The following FAM184B variants were observed in gnomAD, a reference collection of about 807,000 sequenced individuals.
FAM184B encodes the protein protein FAM184B.
A neutral mutation model predicts 135.9 loss-of-function variants in FAM184B; 111 were observed. That is an observed-to-expected ratio of 0.82 (90% CI 0.70 to 0.96). The LOEUF is 0.96. Ranked by LOEUF, FAM184B falls within the 40% of genes least tolerant of loss-of-function variation. The pLI is 0.00. For missense variants in FAM184B, 1,375 were observed against 1,323.9 expected (o/e 1.04, Z -0.60); for synonymous variants, 552 against 524.8 (o/e 1.05, Z -0.71).
intron 1 of FAM184B, among the ~76,000 whole-genome samples, chr4:17,741,093 C>T (rs1321167870): frequency 6.6e-6 from 1 of 152,170 alleles, no homozygotes; most frequent in Non-Finnish European, 1.5e-5. Context: ...ACGTGCCAGG[C>T]ACTGTTCTTG....
At chr4:17,748,067 C>T (rs983703807) in intron 1 of FAM184B, among the ~76,000 whole-genome samples, 8 of 144,806 alleles carry the variant, frequency 5.5e-5, no homozygotes, top group Non-Finnish European at 7.5e-5. Context: ...TCGCGCCACT[C>T]CACTCCAGCC....
intron 7 of FAM184B, among the ~76,000 whole-genome samples, chr4:17,678,624 A>G (rs1247722864): frequency 1.3e-5 from 2 of 152,180 alleles, no homozygotes; most frequent in African/African-American, 2.4e-5. Context: ...TGCAAATTCA[A>G]TGCAATTCCC....
intron 17 of FAM184B, chr4:17,633,372 A>G (rs1328445583): frequency 9.3e-6 from 2 of 214,028 alleles, no homozygotes; most frequent in Non-Finnish European, 1.8e-5. Flanking sequence ...CGTCAGTCTG[A>G]TGAGATAGGT....
intron 1 of FAM184B, among the ~76,000 whole-genome samples, chr4:17,756,942 A>T (rs1659672511): frequency 6.6e-6 from 1 of 152,146 alleles, no homozygotes; most frequent in African/African-American, 2.4e-5. Context: ...AAATAAAAAG[A>T]TGGAATGGAA....
At chr4:17,752,259 AAG>A (rs1460410894) in intron 1 of FAM184B, among the ~76,000 whole-genome samples, 1 of 152,192 alleles carries the variant, frequency 6.6e-6, no homozygotes, top group Admixed American at 6.5e-5. Flanking sequence ...TTGGAGTTTC[AAG>A]AGAGATTTTG....
intron 5 of FAM184B, among the ~76,000 whole-genome samples, chr4:17,704,205 C>G (rs764891946): frequency 2.6e-5 from 4 of 152,220 alleles, no homozygotes; most frequent in Non-Finnish European, 5.9e-5. Context: ...TGTAATTAAA[C>G]AAAGCATTCC....
At chr4:17,675,185 C>T (rs945744665) in intron 7 of FAM184B, among the ~76,000 whole-genome samples, 14 of 152,134 alleles carry the variant, frequency 9.2e-5, no homozygotes, top group African/African-American at 3.4e-4. Context: ...AAATCTACTT[C>T]CTAAATAATA....
At chr4:17,649,752 T>C (rs986505996) in intron 11 of FAM184B, among the ~76,000 whole-genome samples, 3 of 151,952 alleles carry the variant, frequency 2.0e-5, no homozygotes, top group African/African-American at 7.3e-5. Flanking sequence ...AATTATAGGG[T>C]ATTCATTCTT....
intron 13 of FAM184B, 22 bp from the exon 14 acceptor site, chr4:17,639,418 C>T (rs536602442): frequency 6.5e-6 from 10 of 1,549,794 alleles, no homozygotes; most frequent in Non-Finnish European, 8.7e-6. Context: ...GAAAGCACAG[C>T]CAGGCTTGCC....
chr4:17,737,670 C>T (rs1281777370), intron 1 of FAM184B, among the ~76,000 whole-genome samples: 1 of 152,142 alleles, frequency 6.6e-6, no homozygotes, highest in Non-Finnish European at 1.5e-5. Flanking sequence ...CAGTGTTCCT[C>T]CCCCGAACCT....
Position 17,715,738 on chromosome 4 carries a change from A to G in FAM184B, c.142-6094T>C, listed in dbSNP as rs138786790. Among the ~76,000 whole-genome samples, 730 of 152,302 alleles carry G rather than the reference A, an allele frequency of 4.8e-3. 4 individuals are homozygous for G. Among genetic ancestry groups the G allele is most frequent in the African/African-American group, 0.016 (660 of 41,562 alleles). Reference sequence around the variant, plus strand: ...TCACATTTGCATACATCAAAACATCATGCTGGAAACCATAAATGTATACAA... The same window carrying G: ...TCACATTTGCATACATCAAAACATCGTGCTGGAAACCATAAATGTATACAA... On this transcript the variant is annotated intron_variant, in intron 1 of 17. Transcript: ENST00000265018.
intron 16 of FAM184B, 73 bp downstream of exon 16, chr4:17,634,936 C>G: frequency 9.7e-7 from 1 of 1,032,352 alleles, no homozygotes; most frequent in South Asian, 1.6e-5. Flanking sequence ...CCTTAAATAA[C>G]CTGTGGTTAC....
chr4:17,695,516 G>A (rs561851487), intron 5 of FAM184B, among the ~76,000 whole-genome samples: 40 of 152,224 alleles, frequency 2.6e-4, no homozygotes, highest in Non-Finnish European at 4.3e-4. Flanking sequence ...GAGGCATTGG[G>A]TGAGAGCAGT....
At chr4:17,780,981 A>G (rs1473965238) in intron 1 of FAM184B, among the ~76,000 whole-genome samples, 178 bp downstream of exon 1, 1 of 151,984 alleles carries the variant, frequency 6.6e-6, no homozygotes, top group Non-Finnish European at 1.5e-5. Context: ...CTGCTTTAGG[A>G]TGGTGCCTCT....
intron 14 of FAM184B, among the ~76,000 whole-genome samples, 183 bp downstream of exon 14, chr4:17,639,067 C>G (rs1715231526): frequency 6.6e-6 from 1 of 152,204 alleles, no homozygotes; most frequent in Non-Finnish European, 1.5e-5. Flanking sequence ...CTCCTGAGCT[C>G]AAGTGATCCA....
intron 15 of FAM184B, among the ~76,000 whole-genome samples, chr4:17,635,545 G>A (rs1422269149): frequency 6.6e-6 from 1 of 151,482 alleles, no homozygotes; most frequent in African/African-American, 2.4e-5. Flanking sequence ...ATAACTATAT[G>A]GCCGATCTTG....
In FAM184B at chr4:17,705,144, AC is replaced by A; in HGVS notation, c.1232del (p.Arg411LeufsTer18). 6.4e-7 allele frequency: 1 copy of A among 1,551,816 alleles called. No individual in the cohort carries two copies. Among genetic ancestry groups the A allele is most frequent in the Non-Finnish European group, 8.7e-7 (1 of 1,147,024 alleles). ...CCTCTTCTGTCTGATGTTTGATTTT[AC>A]GAAGGTCTTCTTCATATTGTTGCTT... ...YMKQQYEEDL[R>X]KIKHQTEEEK... On this transcript the variant is annotated frameshift_variant, in exon 5 of 18. Transcript: ENST00000265018. LOFTEE classifies it high-confidence loss of function.
At chr4:17,724,122 C>T (rs1717591299) in intron 1 of FAM184B, among the ~76,000 whole-genome samples, 1 of 151,838 alleles carries the variant, frequency 6.6e-6, no homozygotes, top group Admixed American at 6.6e-5. Flanking sequence ...CACACACACA[C>T]ACACACACAC....
intron 1 of FAM184B, among the ~76,000 whole-genome samples, chr4:17,719,563 CAG>C (rs1657379031): frequency 6.6e-6 from 1 of 152,180 alleles, no homozygotes; most frequent in Non-Finnish European, 1.5e-5. Flanking sequence ...GAGAAAGGCA[CAG>C]GGGAGGAAAG....
Sources: gnomAD v4.1 joint callset for allele counts (sites outside exome capture counted in the v4.1 genomes callset) on GRCh38, gnomAD v4.1.1 for gene constraint, MANE v1.5 for transcripts, NCBI Gene and HGNC (gene_info 2026-07-23, HGNC 2026-07-21) for gene names.